PRKCH: variants seen among roughly 807,000 people sequenced by gnomAD.
PRKCH encodes the protein protein kinase C eta type.
PRKCH carries 28 observed loss-of-function variants against 82.5 expected under a neutral mutation model. That is an observed-to-expected ratio of 0.34 (90% CI 0.25 to 0.47). The LOEUF (loss-of-function observed/expected upper bound fraction) is 0.47, where lower values mean the gene tolerates loss of function less well. Among genes scored for constraint, PRKCH ranks in the 20% least tolerant of loss-of-function variants. The probability of loss-of-function intolerance (pLI) is 1.00; values close to 1 mark genes in which losing one functional copy is unlikely to be tolerated. For synonymous variants in PRKCH, 322 were observed against 327.4 expected, an observed-to-expected ratio of 0.98 and a Z score of 0.18; for missense variants, 705 against 881.8, an observed-to-expected ratio of 0.80 and a Z score of 2.54.
chr14:61,501,327 T>C (rs1886896992), intron 10 of PRKCH, among the ~76,000 whole-genome samples: 1 of 152,164 alleles, frequency 6.6e-6, no homozygotes, highest in Non-Finnish European at 1.5e-5. Context: ...TACTGTGGAA[T>C]ATTATGCAAC....
chr14:61,326,274 T>C (rs1231187310), intron 1 of PRKCH, among the ~76,000 whole-genome samples: 3 of 152,214 alleles, frequency 2.0e-5, no homozygotes, highest in Non-Finnish European at 4.4e-5. Context: ...AAAGATGAAC[T>C]ATTACACATG....
chr14:61,221,253 C>T (rs971091794), intron 1 of PRKCH, among the ~76,000 whole-genome samples: 3 of 152,164 alleles, frequency 2.0e-5, no homozygotes, highest in East Asian at 1.9e-4. Flanking sequence ...GAGCCAGAGA[C>T]ATTTGCTTCA....
At chr14:61,514,123 C>T (rs1373124357) in intron 10 of PRKCH, among the ~76,000 whole-genome samples, 5 of 152,014 alleles carry the variant, frequency 3.3e-5, no homozygotes, top group African/African-American at 1.2e-4. Flanking sequence ...AGGGAAGAAT[C>T]TGTGTCCATC....
At chr14:61,244,265 G>C (rs923956800) in intron 1 of PRKCH, among the ~76,000 whole-genome samples, 10 of 152,180 alleles carry the variant, frequency 6.6e-5, no homozygotes, top group Non-Finnish European at 1.2e-4. Flanking sequence ...GCTAGAACCT[G>C]ACAAATTGGG....
At chr14:61,197,294 GT>G (rs1326095629) in intron 1 of PRKCH, among the ~76,000 whole-genome samples, 2 of 152,190 alleles carry the variant, frequency 1.3e-5, no homozygotes, top group Admixed American at 6.5e-5. Flanking sequence ...GTTTGCTCTA[GT>G]TTTAGATGTG....
intron 2 of PRKCH, among the ~76,000 whole-genome samples, chr14:61,398,946 G>A (rs965218294): frequency 6.6e-6 from 1 of 152,224 alleles, no homozygotes; most frequent in Non-Finnish European, 1.5e-5. Context: ...GGCAAGTGAA[G>A]AAATGGAAAC....
chr14:61,367,301 C>T (rs2046309105), intron 1 of PRKCH, among the ~76,000 whole-genome samples: 2 of 151,850 alleles, frequency 1.3e-5, no homozygotes, highest in South Asian at 4.2e-4. Context: ...TCAGAGGACA[C>T]GAACCCTGGA....
chr14:61,433,527 G>GAAGGCTGGGGTGGGGGTAGA (rs1883522743), intron 2 of PRKCH, among the ~76,000 whole-genome samples: 1 of 152,184 alleles, frequency 6.6e-6, no homozygotes, highest in Admixed American at 6.5e-5. Flanking sequence ...ACCTGGGCTT[G>GAAGGCTGGGGTGGGGGTAGA]AAGGCTGGGG....
At position 61,322,200 on chromosome 14, in the gene PRKCH, C is replaced by G. The variant is rs769218523; in HGVS notation, c.99C>G (p.Leu33=). The change falls in exon 1 of 14, where the codon CTC becomes CTG. Residue 33 remains leucine (L), a synonymous_variant. Transcript: ENST00000332981. Reference sequence around the variant, plus strand: ...CCCGCTGGTCCCTGCGCCACTCGCTCTTCAAGAAGGGCCACCAGCTGCTGG... The same window carrying G: ...CCCGCTGGTCCCTGCGCCACTCGCTGTTCAAGAAGGGCCACCAGCTGCTGG... The part of the protein sequence containing the change: ...QPTRWSLRHS[L]FKKGHQLLDP... 1 of 1,613,052 alleles carries G rather than the reference C, an allele frequency of 6.2e-7. No homozygotes were observed. Among genetic ancestry groups the G allele is most frequent in the Non-Finnish European group, 8.5e-7 (1 of 1,179,654 alleles).
At position 61,225,796 on chromosome 14, in the gene PRKCH, T is replaced by G. The variant is rs2044692488; in HGVS notation, c.-19+38128T>G. Reference sequence around the variant, plus strand: ...CTCTGTTGTGCAGGCTGGAGTGCAGTGGCACAATCTTGGCTCACTGCAACC... The same window carrying G: ...CTCTGTTGTGCAGGCTGGAGTGCAGGGGCACAATCTTGGCTCACTGCAACC... On this transcript the variant is annotated intron_variant, in intron 1 of 3. Transcript: ENST00000555185. Among the ~76,000 whole-genome samples, 3 of 152,094 alleles carry G rather than the reference T, an allele frequency of 2.0e-5. No individual in the cohort carries two copies. In the South Asian group the frequency reaches 6.2e-4, roughly 32 times the overall value.
chr14:61,357,831 G>A (rs2046171745), intron 1 of PRKCH, among the ~76,000 whole-genome samples: 1 of 151,994 alleles, frequency 6.6e-6, no homozygotes, highest in Non-Finnish European at 1.5e-5. Flanking sequence ...TTTAGTTCTG[G>A]GAGTGTTGCT....
At chr14:61,369,736 G>A (rs1380918474) in intron 1 of PRKCH, among the ~76,000 whole-genome samples, 2 of 151,922 alleles carry the variant, frequency 1.3e-5, no homozygotes, top group Non-Finnish European at 1.5e-5. Flanking sequence ...TAATGCATTA[G>A]TTATGGGAGT....
chr14:61,236,963 C>T (rs1224704155), intron 1 of PRKCH, among the ~76,000 whole-genome samples: 1 of 152,134 alleles, frequency 6.6e-6, no homozygotes, highest in East Asian at 1.9e-4. Flanking sequence ...TGGGGCTGCT[C>T]TATGGAGCAG....
chr14:61,217,572 C>T (rs913397594), intron 1 of PRKCH, among the ~76,000 whole-genome samples: 2 of 152,184 alleles, frequency 1.3e-5, no homozygotes, highest in Non-Finnish European at 2.9e-5. Flanking sequence ...CCTGTTTCCA[C>T]ATCTTCCCAA....
intron 10 of PRKCH, among the ~76,000 whole-genome samples, chr14:61,509,675 A>G (rs1400178024): frequency 6.6e-6 from 1 of 152,150 alleles, no homozygotes; most frequent in Non-Finnish European, 1.5e-5. Flanking sequence ...ACTTGAGGTC[A>G]GGAGTTCGAA....
chr14:61,438,462 G>T (rs1332008804), intron 2 of PRKCH, among the ~76,000 whole-genome samples: 1 of 152,076 alleles, frequency 6.6e-6, no homozygotes, highest in Non-Finnish European at 1.5e-5. Flanking sequence ...TAAAAATGAG[G>T]AGCTGTGATC....
chr14:61,477,733 A>G (rs1885789334), intron 9 of PRKCH, among the ~76,000 whole-genome samples: 1 of 152,248 alleles, frequency 6.6e-6, no homozygotes, highest in Non-Finnish European at 1.5e-5. Flanking sequence ...TTGCTTAGCA[A>G]GCATTTCCCA....
intron 1 of PRKCH, among the ~76,000 whole-genome samples, chr14:61,257,430 A>AC (rs2045007542): frequency 6.6e-6 from 1 of 151,720 alleles, no homozygotes; most frequent in South Asian, 2.1e-4. Context: ...GGACTTAGAG[A>AC]CCCCTATTTG....
chr14:61,326,456 G>A (rs1373134987), intron 1 of PRKCH, among the ~76,000 whole-genome samples: 1 of 152,184 alleles, frequency 6.6e-6, no homozygotes, highest in East Asian at 1.9e-4. Flanking sequence ...GGATTACAAA[G>A]GAGGCAGAAA....
Sources: allele counts gnomAD v4.1 joint callset (sites outside exome capture counted in the v4.1 genomes callset), GRCh38; gene constraint gnomAD v4.1.1; transcripts MANE v1.5; gene names NCBI Gene and HGNC (gene_info 2026-07-23, HGNC 2026-07-21).